The following LAMA1 variants were observed in gnomAD, a reference collection of about 807,000 sequenced individuals.
LAMA1 encodes the protein laminin subunit alpha-1.
A neutral mutation model predicts 348.7 loss-of-function variants in LAMA1; 219 were observed. The ratio of observed to expected loss-of-function variants is 0.63; its 90% CI spans 0.56 to 0.70. The LOEUF (loss-of-function observed/expected upper bound fraction) is 0.70. LAMA1 is among the 30% of genes least tolerant of loss of function. The probability of loss-of-function intolerance (pLI) is 0.00; values close to 1 mark genes in which losing one functional copy is unlikely to be tolerated. For missense variants in LAMA1, 3,744 were observed against 3,888.0 expected (o/e 0.96, Z 0.99); for synonymous variants, 1,487 against 1,491.0 (o/e 1.00, Z 0.06).
At position 7,050,859 on chromosome 18, in the gene LAMA1, C is replaced by A. The variant is rs2058059953; in HGVS notation, c.423G>T (p.Leu141=). 1 of 1,614,178 alleles carries A rather than the reference C, an allele frequency of 6.2e-7. No individual in the cohort carries two copies. Among genetic ancestry groups the A allele is most frequent in the Middle Eastern group, 1.6e-4 (1 of 6,062 alleles). Residue 141 remains leucine (L), a synonymous_variant, in exon 4 of 63, where the codon CTG becomes CTT. Coordinates refer to ENST00000389658, the MANE Select transcript of LAMA1 (RefSeq NM_005559.4). ...RPGNWILERS[L]DGTTFSPWQY... is the part of the protein sequence containing the mutation. ...GCCAGGGGCTGAACGTGGTGCCATCCAGAGAACGCTCCAAAATCCAGTTTC... is the reference window on the plus strand; with the variant it reads ...GCCAGGGGCTGAACGTGGTGCCATCAAGAGAACGCTCCAAAATCCAGTTTC...
In LAMA1 at chr18:7,022,118, G is replaced by GT. The variant is rs936988437; in HGVS notation, c.2701+1045dup. Among the ~76,000 whole-genome samples the GT allele has an allele frequency of 2.0e-5, 3 of 152,094 alleles. No homozygotes were observed. In the East Asian group the frequency reaches 5.8e-4, roughly 29 times the overall value. On this transcript the variant is annotated intron_variant, in intron 19 of 62. Coordinates refer to ENST00000389658, the MANE Select transcript of LAMA1 (RefSeq NM_005559.4). ...CTCCAACACCTGGATCCACAGGTAT[G>GT]TTTTCCCCCCATACCATCATCATGT...
Position 6,947,042 on chromosome 18 carries a change from T to G in LAMA1, c.8844+121A>C. 2.3e-6 allele frequency: 3 copies of G among 1,300,854 alleles called. No homozygotes were observed. In the East Asian group the frequency reaches 7.0e-5, roughly 31 times the overall value. 80.6% of individuals were successfully genotyped at this position (1,300,854 alleles called of 1,614,324 possible). On this transcript the variant is annotated intron_variant, in intron 61 of 62. Transcript: ENST00000389658. ...GTAGCAATATCTGTTTTTAAAATAG[T>G]AATGGGACCATTGTTTGACTCCATG... is the stretch of plus-strand genomic sequence containing the variant.
chr18:7,093,365 A>C (rs201942686), intron 1 of LAMA1, among the ~76,000 whole-genome samples: 1 of 152,064 alleles, frequency 6.6e-6, no homozygotes, highest in Non-Finnish European at 1.5e-5. Context: ...GCAGTGATCC[A>C]AGATCGCGCC....
chr18:6,949,254 C>T lies in LAMA1; in HGVS notation c.8403G>A (p.Lys2801=), dbSNP rs147737122. ...LLSDGKWHTV[K]TDYVKRKGFI... ...AGCCTTTTCTTTTAACATAGTCTGT[C>T]TTGACCTACAGCAAAGTGAAAACAT... is the stretch of plus-strand genomic sequence containing the variant. Residue 2801 remains lysine, a synonymous_variant, in exon 59 of 63, where the codon AAG becomes AAA. Transcript: ENST00000389658. 1,657 of 1,614,152 alleles carry T rather than the reference C, an allele frequency of 1.0e-3. 12 individuals are homozygous for T. The African/African-American group carries it at 0.019, about 19-fold the overall frequency.
chr18:7,013,689 C>T lies in LAMA1; in HGVS notation c.3363+126G>A, dbSNP rs1030654753. ...GCATAAGAGACTTTGAACTCAGATG[C>T]GGAAGGGAGTGTGAACTCACTAGGA... On this transcript the variant is annotated intron_variant, in intron 23 of 62. Transcript: ENST00000389658. 38 of 829,980 alleles carry T rather than the reference C, an allele frequency of 4.6e-5. 1 individual carries two copies. The highest frequency in any genetic ancestry group is 4.5e-4 in the South Asian group (31 of 68,522). 51.4% of individuals were successfully genotyped at this position (829,980 alleles called of 1,614,324 possible).
At chr18:7,044,080 A>G (rs1342936252) in intron 7 of LAMA1, among the ~76,000 whole-genome samples, 2 of 148,540 alleles carry the variant, frequency 1.3e-5, no homozygotes, top group Non-Finnish European at 3.0e-5. Flanking sequence ...GGCATGAAGC[A>G]TGAACCTGGG....
Position 7,040,090 on chromosome 18 carries a change from G to A in LAMA1, c.1408C>T (p.Pro470Ser), listed in dbSNP as rs1399742809. Residue 470 changes from proline (P) to serine (S), a missense_variant, in exon 10 of 63, where the codon CCC becomes TCC. This residue lies in a region of LAMA1 where 1,529 missense variants were observed against 1,689.4 expected (regional missense o/e 0.91). Coordinates refer to ENST00000389658, the MANE Select transcript of LAMA1 (RefSeq NM_005559.4). ...TCCCCACTTACCTTACAAACACAGG[G>A]CCCTGTGCAGGGCTCATCACTGGCA... Reference protein sequence around the residue: ...GSASDEPCTGPCVCKENVEGK... With the variant: ...GSASDEPCTGSCVCKENVEGK... 2.5e-6 allele frequency: 4 copies of A among 1,613,896 alleles called. No homozygotes were observed. The African/African-American group carries it at 4.0e-5, about 16-fold the overall frequency.
intron 44 of LAMA1, among the ~76,000 whole-genome samples, chr18:6,977,507 T>C (rs1692251353): frequency 6.6e-6 from 1 of 152,220 alleles, no homozygotes; most frequent in Admixed American, 6.5e-5. Context: ...TAACAACATT[T>C]TGAAGCATGT....
At position 7,043,274 on chromosome 18, in the gene LAMA1, C is replaced by T. The variant is rs2058028193; in HGVS notation, c.1108G>A (p.Gly370Arg). Residue 370 changes from glycine (G) to arginine (R), a missense_variant, in exon 8 of 63, where the codon GGA becomes AGA. Physicochemically the swap from Gly to Arg is moderately radical, Grantham distance 125 (BLOSUM62 -2). This residue lies in a region of LAMA1 where 1,529 missense variants were observed against 1,689.4 expected (regional missense o/e 0.91). Coordinates refer to ENST00000389658, the MANE Select transcript of LAMA1 (RefSeq NM_005559.4). The stretch of plus-strand genomic sequence containing the variant: ...TCAATACAGGTTTCACAGTTGATTC[C>T]CATGGTGTTCTGCAAGCAATTTATG... Reference protein sequence around the residue: ...VCINCLQNTMGINCETCIDGY... With the variant: ...VCINCLQNTMRINCETCIDGY... The T allele has an allele frequency of 6.2e-7, 1 of 1,614,092 alleles. No homozygotes were observed. The highest frequency in any genetic ancestry group is 8.5e-7 in the Non-Finnish European group (1 of 1,180,016).
At position 6,958,541 on chromosome 18, in the gene LAMA1, T is replaced by C; in HGVS notation, c.7900A>G (p.Thr2634Ala). 1.9e-6 allele frequency: 3 copies of C among 1,614,184 alleles called. No individual in the cohort carries two copies. Among genetic ancestry groups the C allele is most frequent in the Non-Finnish European group, 8.5e-7 (1 of 1,180,034 alleles). ...YVGGIPEGEG[T>A]SLLTMRRSFH... ...GATCTTCTCATTGTGAGCAGTGACG[T>C]CCCCTCTCCCTCTGGAATTCCCCCG... The change falls in exon 55 of 63, where the codon ACG (threonine) becomes GCG (alanine). Residue 2634 changes from threonine to alanine, a missense_variant. Physicochemically the swap from Thr to Ala is moderately conservative, Grantham distance 58. Around this residue, in one of 3 missense-constraint regions of LAMA1, gnomAD observed 1,983 missense variants for 1,934.3 expected, o/e 1.03. Transcript: ENST00000389658.
intron 8 of LAMA1, 30 bp from the exon 9 acceptor site, chr18:7,042,280 T>G: frequency 7.6e-7 from 1 of 1,319,734 alleles, no homozygotes; most frequent in Non-Finnish European, 1.1e-6. Flanking sequence ...CTGGATTCTC[T>G]TACTAGAAAT....
At chr18:7,011,256 T>A (rs775872603) in intron 25 of LAMA1, 44 bp downstream of exon 25, 5 of 1,595,308 alleles carry the variant, frequency 3.1e-6, no homozygotes, top group Admixed American at 3.4e-5. Flanking sequence ...TTTCTGTATA[T>A]CCTAGGAAGC....
In LAMA1 at chr18:6,950,807, A is replaced by C. The variant is rs752074756; in HGVS notation, c.8372T>G (p.Leu2791Arg). ...CGTGTGCCACTTGCCATCACTGAGC[A>C]GTGCAGGGTGAGAGACCTTTGTTCT... ...KGRTKVSHPA[L>R]LSDGKWHTVK... is the part of the protein sequence containing the mutation. The change falls in exon 58 of 63, where the codon CTG becomes CGG. Residue 2791 changes from leucine (L) to arginine (R), a missense_variant. Leu to Arg is a moderately radical substitution (Grantham distance 102). Around this residue, in one of 3 missense-constraint regions of LAMA1, gnomAD observed 1,983 missense variants for 1,934.3 expected, o/e 1.03. Transcript: ENST00000389658. 2 of 1,614,122 alleles carry C rather than the reference A, an allele frequency of 1.2e-6. No individual in the cohort carries two copies. Among genetic ancestry groups the C allele is most frequent in the Admixed American group, 3.3e-5 (2 of 60,020 alleles).
chr18:6,948,808 G>A (rs1198065243), intron 59 of LAMA1, among the ~76,000 whole-genome samples: 1 of 152,196 alleles, frequency 6.6e-6, no homozygotes, highest in Non-Finnish European at 1.5e-5. Flanking sequence ...ATCAAAAAAT[G>A]CTGAGTTTAC....
chr18:7,088,621 G>C (rs952983659), intron 1 of LAMA1, among the ~76,000 whole-genome samples: 16 of 151,992 alleles, frequency 1.1e-4, no homozygotes, highest in African/African-American at 3.9e-4. Context: ...AGGCTCAAGC[G>C]ATCCTCCTAC....
intron 3 of LAMA1, among the ~76,000 whole-genome samples, chr18:7,063,235 T>C (rs188143366): frequency 4.0e-4 from 61 of 152,344 alleles, no homozygotes; most frequent in Middle Eastern, 6.8e-3. Context: ...CCTTGGTCTA[T>C]ATTCTACTTG....
rs1455826574 is a variant in LAMA1 at position 6,966,283 on chromosome 18, T to C, written c.6914A>G (p.Asp2305Gly). 4 of 1,613,718 alleles carry C rather than the reference T, an allele frequency of 2.5e-6. No individual in the cohort carries two copies. The South Asian group carries it at 4.4e-5, about 18-fold the overall frequency. Residue 2305 changes from aspartate to glycine, a missense_variant, in exon 49 of 63, where the codon GAC (aspartate) becomes GGC (glycine). Physicochemically the swap from Asp to Gly is moderately conservative, Grantham distance 94. Around this residue, in one of 3 missense-constraint regions of LAMA1, gnomAD observed 1,983 missense variants for 1,934.3 expected, o/e 1.03. Coordinates refer to ENST00000389658, the MANE Select transcript of LAMA1 (RefSeq NM_005559.4). ...RGCFGSSQNE[D>G]PSFHFDGSGY... ...ACTCCCGTCAAAATGGAAGGAAGGGTCTTCATTCTGGGAGCTGCAAAGCAG... is the reference window on the plus strand; with the variant it reads ...ACTCCCGTCAAAATGGAAGGAAGGGCCTTCATTCTGGGAGCTGCAAAGCAG...
intron 16 of LAMA1, among the ~76,000 whole-genome samples, chr18:7,030,582 T>A (rs1180488135): frequency 6.6e-6 from 1 of 152,220 alleles, no homozygotes; most frequent in Non-Finnish European, 1.5e-5. Flanking sequence ...GGAAGGTTAC[T>A]TCAGAACTCT....
chr18:6,965,523 G>T, intron 49 of LAMA1, 91 bp from the exon 50 acceptor site: 1 of 1,458,394 alleles, frequency 6.9e-7, no homozygotes, highest in African/African-American at 1.4e-5. Flanking sequence ...ACCTTCTAAA[G>T]TCAAACTGAG....
Sources: gnomAD v4.1 joint callset for allele counts (sites outside exome capture counted in the v4.1 genomes callset) on GRCh38, gnomAD v4.1.1 for gene constraint, gnomAD v4.1.1 regional missense constraint, MANE v1.5 for transcripts, NCBI Gene and HGNC (gene_info 2026-07-23, HGNC 2026-07-21) for gene names.